Variants in TRAPPC2 observed in about 807,000 individuals in gnomAD.
The protein encoded by TRAPPC2 is trafficking protein particle complex subunit 2.
In TRAPPC2, 4 loss-of-function variants were observed where a neutral mutation model predicts 10.0. That is an observed-to-expected ratio of 0.40 (90% CI 0.20 to 0.92). The LOEUF (loss-of-function observed/expected upper bound fraction) is 0.92. Among genes scored for constraint, TRAPPC2 ranks in the 40% least tolerant of loss-of-function variants. TRAPPC2 has a pLI of 0.35. For missense variants in TRAPPC2, 52 were observed against 108.7 expected (o/e 0.48, Z 2.32); for synonymous variants, 36 against 37.3 (o/e 0.97, Z 0.12).
intron 4 of TRAPPC2, 136 bp downstream of exon 4, chrX:13,716,398 G>A (rs1375080502): frequency 7.0e-5 from 55 of 783,948 alleles, no homozygotes; most frequent in Non-Finnish European, 5.5e-5. Context: ...AAGAAAAGTA[G>A]CCCCATAAAT....
chrX:13,719,013 C>T (rs1288736129), intron 3 of TRAPPC2, among the ~76,000 whole-genome samples: 1 of 110,374 alleles, frequency 9.1e-6, no homozygotes, highest in Non-Finnish European at 1.9e-5. Flanking sequence ...AAAAATTAGC[C>T]TGGCACAGTG....
intron 2 of TRAPPC2, among the ~76,000 whole-genome samples, chrX:13,723,593 C>T (rs1247440161): frequency 3.6e-5 from 4 of 112,002 alleles, no homozygotes; most frequent in Non-Finnish European, 7.5e-5. Context: ...GAATTACCTG[C>T]GTTGACATGA....
chrX:13,720,107 C>A, intron 2 of TRAPPC2, 125 bp from the exon 3 acceptor site: 2 of 460,524 alleles, frequency 4.3e-6, no homozygotes, highest in Non-Finnish European at 6.7e-6. Flanking sequence ...TGCTACTAAG[C>A]TTGGCAGTTT....
intron 2 of TRAPPC2, chrX:13,720,617 A>T (rs1331275635): frequency 8.9e-6 from 1 of 112,376 alleles, no homozygotes; most frequent in Admixed American, 9.4e-5. Context: ...AGCCTATGAT[A>T]TGCCTCTTTA....
At chrX:13,730,172 T>C (rs1488204629) in intron 2 of TRAPPC2, among the ~76,000 whole-genome samples, 1 of 109,499 alleles carries the variant, frequency 9.1e-6, no homozygotes, top group African/African-American at 3.3e-5. Context: ...AATCTACCCA[T>C]CTGACGAAGG....
intron 2 of TRAPPC2, among the ~76,000 whole-genome samples, chrX:13,725,774 A>G (rs1193970572): frequency 3.6e-5 from 4 of 112,413 alleles, no homozygotes; most frequent in African/African-American, 1.3e-4. Flanking sequence ...AGTTGACAGA[A>G]TGAGGCTTCA....
chrX:13,724,776 C>T (rs987434641), intron 2 of TRAPPC2, among the ~76,000 whole-genome samples: 5 of 112,505 alleles, frequency 4.4e-5, no homozygotes, highest in East Asian at 5.6e-4. Context: ...CCATGGAGGG[C>T]GAGCTGAAGC....
chrX:13,730,969 T>C (rs1416899572), intron 2 of TRAPPC2, among the ~76,000 whole-genome samples: 1 of 110,396 alleles, frequency 9.1e-6, no homozygotes, highest in Admixed American at 9.6e-5. Context: ...CTAATGTAAA[T>C]GATGAGTTAA....
rs761773515 is a variant in TRAPPC2, at chrX:13,716,049, A to G, written c.279T>C (p.Asp93=). 2 of 1,192,296 alleles carry G rather than the reference A, an allele frequency of 1.7e-6. No homozygotes were observed. The highest frequency in any genetic ancestry group is 3.5e-5 in the African/African-American group (2 of 57,135). Reference sequence around the variant, plus strand: ...CATCAGTAAAGAAGTTCTTTATTCCATCTTCTTGTCTTATGTCATGAAGCA... The same window carrying G: ...CATCAGTAAAGAAGTTCTTTATTCCGTCTTCTTGTCTTATGTCATGAAGCA... ...FIMLHDIRQE[D]GIKNFFTDVY... Residue 93 remains aspartate, a synonymous_variant, in exon 5 of 6, where the codon GAT becomes GAC. Transcript: ENST00000380579.
At chrX:13,720,998 G>A (rs1285820428) in intron 2 of TRAPPC2, 1 of 96,683 alleles carries the variant, frequency 1.0e-5, no homozygotes, top group Non-Finnish European at 2.0e-5. Flanking sequence ...CTGCACTCCA[G>A]TCTAAGTGAC....
rs1431526750 is a variant in TRAPPC2, at chrX:13,712,880, A to G, written c.*1527T>C. The G allele has an allele frequency of 1.8e-5, 2 of 112,198 alleles. No individual in the cohort carries two copies. Among genetic ancestry groups the G allele is most frequent in the African/African-American group, 3.2e-5 (1 of 30,819 alleles). 9.2% of individuals were successfully genotyped at this position (112,198 alleles called of 1,213,427 possible). ...ATCACATTTCACTCCCAACTGCAGAATATTTTAATTTTAAATTTATCTACC... is the reference window on the plus strand; with the variant it reads ...ATCACATTTCACTCCCAACTGCAGAGTATTTTAATTTTAAATTTATCTACC... On this transcript the variant is annotated 3_prime_UTR_variant, in exon 6 of 6. Transcript: ENST00000380579.
At chrX:13,718,647 T>C (rs747452951) in intron 3 of TRAPPC2, among the ~76,000 whole-genome samples, 3 of 112,148 alleles carry the variant, frequency 2.7e-5, no homozygotes, top group African/African-American at 9.7e-5. Flanking sequence ...CTCCACCTCA[T>C]AGAGAATCCC....
intron 4 of TRAPPC2, 169 bp from the exon 5 acceptor site, chrX:13,716,258 C>G: frequency 1.6e-6 from 1 of 632,457 alleles, no homozygotes; most frequent in Non-Finnish European, 2.4e-6. Flanking sequence ...AGAACATAAG[C>G]TTTCAAAGTT....
chrX:13,720,076 A>G, intron 2 of TRAPPC2, 94 bp from the exon 3 acceptor site: 1 of 633,788 alleles, frequency 1.6e-6, no homozygotes, highest in Non-Finnish European at 2.2e-6. Flanking sequence ...TTAAATTTAA[A>G]CCTGACATTG....
At chrX:13,716,140 C>T in intron 4 of TRAPPC2, 51 bp from the exon 5 acceptor site, 1 of 1,112,299 alleles carries the variant, frequency 9.0e-7, no homozygotes. Context: ...CAAAAAGCAA[C>T]CAGTTCGTTG....
At chrX:13,731,995 A>G (rs2041932215) in intron 2 of TRAPPC2, among the ~76,000 whole-genome samples, 1 of 112,081 alleles carries the variant, frequency 8.9e-6, no homozygotes. Flanking sequence ...TTAAAAATCA[A>G]CTGTACAAAA....
rs1478315780 is a variant in TRAPPC2 at position 13,712,698 on chromosome X, C to G, written c.*1709G>C. ...ATTTTATAAACATGATTTGGGTTCT[C>G]ACATTATAGCAGGATCACTATTCCT... is the stretch of plus-strand genomic sequence containing the variant. On this transcript the variant is annotated 3_prime_UTR_variant, in exon 6 of 6. Transcript: ENST00000380579. 1 of 111,951 alleles carries G rather than the reference C, an allele frequency of 8.9e-6. No individual in the cohort carries two copies. Among genetic ancestry groups the G allele is most frequent in the African/African-American group, 3.2e-5 (1 of 30,799 alleles). 9.2% of individuals were successfully genotyped at this position (111,951 alleles called of 1,213,427 possible).
chrX:13,714,662 C>T (rs573170006), intron 5 of TRAPPC2, among the ~76,000 whole-genome samples, 157 bp from the exon 6 acceptor site: 152 of 112,667 alleles, frequency 1.3e-3, no homozygotes, highest in South Asian at 5.4e-3. Context: ...TTGTTAATAA[C>T]ATCCTCTTAA....
At chrX:13,730,433 A>G (rs1480661410) in intron 2 of TRAPPC2, among the ~76,000 whole-genome samples, 1 of 111,937 alleles carries the variant, frequency 8.9e-6, no homozygotes, top group Non-Finnish European at 1.9e-5. Context: ...GCTGGAGAGG[A>G]TGTGGAGAAA....
Sources: gnomAD v4.1 joint callset for allele counts (sites outside exome capture counted in the v4.1 genomes callset) on GRCh38, gnomAD v4.1.1 for gene constraint, MANE v1.5 for transcripts, NCBI Gene and HGNC (gene_info 2026-07-23, HGNC 2026-07-21) for gene names.